Variants in CEMIP observed in about 807,000 individuals in gnomAD.
CEMIP encodes the protein cell migration-inducing and hyaluronan-binding protein.
A neutral mutation model predicts 156.9 loss-of-function variants in CEMIP; 105 were observed. That is an observed-to-expected ratio of 0.67 (90% CI 0.57 to 0.79). CEMIP has a LOEUF of 0.79. Among genes scored for constraint, CEMIP ranks in the 30% least tolerant of loss-of-function variants. CEMIP has a pLI of 0.00. For synonymous variants in CEMIP, 676 were observed against 668.4 expected (o/e 1.01, Z -0.17); for missense variants, 1,457 against 1,769.4 (o/e 0.82, Z 3.17).
At chr15:80,916,123 C>G (rs1900265142) in intron 14 of CEMIP, among the ~76,000 whole-genome samples, 3 of 152,340 alleles carry the variant, frequency 2.0e-5, no homozygotes, top group South Asian at 4.1e-4. Context: ...GAAATCATTA[C>G]ATACAGATAT....
In CEMIP at chr15:80,936,776, A is replaced by G. The variant is rs1901139039; in HGVS notation, c.3112A>G (p.Thr1038Ala). The change falls in exon 24 of 30, where the codon ACC (threonine) becomes GCC (alanine). Residue 1038 changes from threonine to alanine, a missense_variant. By Grantham distance (58) the Thr-to-Ala change is moderately conservative (BLOSUM62 0). Coordinates refer to ENST00000394685, the MANE Select transcript of CEMIP (RefSeq NM_001293298.2). Reference sequence around the variant, plus strand: ...CCTGGAGGGGGCGCTCACCAGGAGCACCCATTACCAGCAATACCAACCGGT... The same window carrying G: ...CCTGGAGGGGGCGCTCACCAGGAGCGCCCATTACCAGCAATACCAACCGGT... ...LYLEGALTRSTHYQQYQPVVT... is the reference protein window; with the variant it reads ...LYLEGALTRSAHYQQYQPVVT... 1 of 1,613,740 alleles carries G rather than the reference A, an allele frequency of 6.2e-7. No individual in the cohort carries two copies. Among genetic ancestry groups the G allele is most frequent in the Non-Finnish European group, 8.5e-7 (1 of 1,179,606 alleles).
chr15:80,897,435 G>A (rs375475584), intron 12 of CEMIP: 6 of 436,402 alleles, frequency 1.4e-5, no homozygotes, highest in Non-Finnish European at 2.8e-5. Context: ...AGGTCATGTG[G>A]TGGAGGCAGT....
At chr15:80,794,743 A>G (rs1896172651) in intron 1 of CEMIP, among the ~76,000 whole-genome samples, 1 of 152,234 alleles carries the variant, frequency 6.6e-6, no homozygotes, top group Non-Finnish European at 1.5e-5. Flanking sequence ...ACAGGCGGCT[A>G]GTGGAACAGT....
rs139073112 is a variant in CEMIP, at chr15:80,879,670, C to T, written c.242-46C>T. 375 of 1,613,216 alleles carry T rather than the reference C, an allele frequency of 2.3e-4. 3 individuals are homozygous for T. In the African/African-American group the frequency reaches 4.4e-3, roughly 19 times the overall value. On this transcript the variant is annotated intron_variant, in intron 4 of 29. Coordinates refer to ENST00000394685, the MANE Select transcript of CEMIP (RefSeq NM_001293298.2). ...GCCCTTGGCTCTGATATAACCTTACCCTTAACACTGTGTTATTAAACCTCC... is the reference window on the plus strand; with the variant it reads ...GCCCTTGGCTCTGATATAACCTTACTCTTAACACTGTGTTATTAAACCTCC...
Position 80,906,818 on chromosome 15 carries a change from A to G in CEMIP, c.1567A>G (p.Thr523Ala). The G allele has an allele frequency of 6.2e-7, 1 of 1,613,598 alleles. No homozygotes were observed. The highest frequency in any genetic ancestry group is 1.7e-5 in the Admixed American group (1 of 59,950). ...CATCTGCAATTTCTTTGACTTCGAT[A>G]CCTTTGGGGGCCACATCAAGGTATG... ...NHICNFFDFD[T>A]FGGHIKFALG... The change falls in exon 13 of 30, where the codon ACC (threonine) becomes GCC (alanine). Residue 523 changes from threonine to alanine, a missense_variant. Thr to Ala is a moderately conservative substitution (Grantham distance 58). Coordinates refer to ENST00000394685, the MANE Select transcript of CEMIP (RefSeq NM_001293298.2). This position sits in a 1 kb window ranked among gnomAD's most constrained non-coding sequence, Gnocchi z 4.3.
intron 1 of CEMIP, among the ~76,000 whole-genome samples, chr15:80,794,979 C>T (rs1315881679): frequency 6.6e-6 from 1 of 151,976 alleles, no homozygotes; most frequent in African/African-American, 2.4e-5. Flanking sequence ...TGAGTAGAAG[C>T]TAGAAAGACC....
At chr15:80,793,640 G>A (rs1567049314) in intron 1 of CEMIP, among the ~76,000 whole-genome samples, 1 of 152,112 alleles carries the variant, frequency 6.6e-6, no homozygotes, top group South Asian at 2.1e-4. Context: ...AGACAAACTG[G>A]GATAAACAAA....
At chr15:80,858,938 T>C (rs889882255) in intron 1 of CEMIP, among the ~76,000 whole-genome samples, 12 of 152,170 alleles carry the variant, frequency 7.9e-5, no homozygotes, top group Admixed American at 7.9e-4. Context: ...GCTTTCTCCA[T>C]CTCTAGGCTC....
At chr15:80,921,199 C>A (rs2141922684) in intron 16 of CEMIP, 98 bp downstream of exon 16, 2 of 1,114,096 alleles carry the variant, frequency 1.8e-6, no homozygotes, top group Non-Finnish European at 2.7e-6. Context: ...GCTCTGAGCC[C>A]CAAGCCCAGA....
intron 1 of CEMIP, among the ~76,000 whole-genome samples, chr15:80,800,797 G>A (rs965849988): frequency 1.3e-5 from 2 of 152,098 alleles, no homozygotes; most frequent in African/African-American, 4.8e-5. Flanking sequence ...CTCGATGTAG[G>A]GGCAAAAACA....
rs1427013959 is a variant in CEMIP, at chr15:80,909,302, T to C, written c.1793T>C (p.Leu598Ser). 1.2e-6 allele frequency: 2 copies of C among 1,613,908 alleles called. No homozygotes were observed. Among genetic ancestry groups the C allele is most frequent in the Admixed American group, 1.7e-5 (1 of 59,996 alleles). Reference sequence around the variant, plus strand: ...GTCACAGTCCATGGCTCCAATGGCTTGTTGGTAAGAACCTCCTTCCCTCAG... The same window carrying C: ...GTCACAGTCCATGGCTCCAATGGCTCGTTGGTAAGAACCTCCTTCCCTCAG... Reference protein sequence around the residue: ...RCVTVHGSNGLLIKDVVGYNS... With the variant: ...RCVTVHGSNGSLIKDVVGYNS... Residue 598 changes from leucine to serine, a missense_variant, in exon 14 of 30, where the codon TTG (leucine) becomes TCG (serine). Leu to Ser is a moderately radical substitution (Grantham distance 145). This residue lies in a region of CEMIP where 53 missense variants were observed against 104.5 expected (regional missense o/e 0.51). Coordinates refer to ENST00000394685, the MANE Select transcript of CEMIP (RefSeq NM_001293298.2).
intron 8 of CEMIP, among the ~76,000 whole-genome samples, chr15:80,888,312 G>A (rs1467320504): frequency 6.6e-6 from 1 of 151,894 alleles, no homozygotes; most frequent in South Asian, 2.1e-4. Context: ...CAGAGACCCC[G>A]TCTCAAAAAA....
chr15:80,834,460 G>A (rs1231863708), intron 1 of CEMIP, among the ~76,000 whole-genome samples: 4 of 152,120 alleles, frequency 2.6e-5, no homozygotes. Flanking sequence ...CTTTTTGCAT[G>A]GCCAAAAGTA....
chr15:80,888,700 G>T lies in CEMIP; in HGVS notation c.869-1G>T. 1.2e-6 allele frequency: 2 copies of T among 1,614,014 alleles called. No individual in the cohort carries two copies. Among genetic ancestry groups the T allele is most frequent in the Non-Finnish European group, 1.7e-6 (2 of 1,179,898 alleles). On this transcript the variant is annotated splice_acceptor_variant, in intron 8 of 29. Coordinates refer to ENST00000394685, the MANE Select transcript of CEMIP (RefSeq NM_001293298.2). LOFTEE classifies it high-confidence loss of function. ...CCTAAAGGGTCTCGTTTCTCTGACA[G>T]GACATCGAGGCTCTGCTGCTGCCCG...
At chr15:80,900,638 G>GTGTCTGTGTGTC (rs1899466705) in intron 12 of CEMIP, among the ~76,000 whole-genome samples, 50 of 101,968 alleles carry the variant, frequency 4.9e-4, no homozygotes, top group Admixed American at 2.7e-3. Context: ...GTGTGTGTGT[G>GTGTCTGTGTGTC]TGTGTGTGTG....
chr15:80,924,947 C>G (rs563005438), intron 18 of CEMIP, among the ~76,000 whole-genome samples: 2 of 152,298 alleles, frequency 1.3e-5, no homozygotes, highest in South Asian at 4.1e-4. Flanking sequence ...GATCCCTCAG[C>G]AAAGTGAATA....
intron 1 of CEMIP, chr15:80,842,069 T>C (rs767660673): frequency 1.9e-6 from 1 of 530,880 alleles, no homozygotes; most frequent in East Asian, 5.5e-5. Context: ...TTGAGTTGCA[T>C]GTCTATCAGA....
intron 6 of CEMIP, among the ~76,000 whole-genome samples, chr15:80,883,877 G>T (rs970846793): frequency 6.6e-6 from 1 of 152,176 alleles, no homozygotes; most frequent in Non-Finnish European, 1.5e-5. Context: ...CCTCAAGTAT[G>T]TGACCCACTC....
intron 1 of CEMIP, among the ~76,000 whole-genome samples, chr15:80,790,754 A>G (rs1330479994): frequency 1.3e-5 from 2 of 152,198 alleles, no homozygotes. Context: ...CATAGAGTTG[A>G]ATTCGTTGAG....
Sources: allele counts gnomAD v4.1 joint callset (sites outside exome capture counted in the v4.1 genomes callset), GRCh38; gene constraint gnomAD v4.1.1; regional missense constraint gnomAD v4.1.1; non-coding constraint Gnocchi (gnomAD v3.1); transcripts MANE v1.5; gene names NCBI Gene and HGNC (gene_info 2026-07-23, HGNC 2026-07-21).